The following KIFC3 variants were observed in gnomAD, a reference collection of about 807,000 sequenced individuals.
KIFC3 encodes the protein kinesin-like protein KIFC3.
KIFC3 carries 60 observed loss-of-function variants against 101.8 expected under a neutral mutation model. The ratio of observed to expected loss-of-function variants is 0.59; its 90% CI spans 0.48 to 0.73. The LOEUF (loss-of-function observed/expected upper bound fraction) is 0.73. Ranked by LOEUF, KIFC3 falls within the 30% of genes least tolerant of loss-of-function variation. The pLI is 0.00. For synonymous variants in KIFC3, 476 were observed against 482.7 expected (o/e 0.99, Z 0.18); for missense variants, 966 against 1,137.1 (o/e 0.85, Z 2.16).
chr16:57,855,181 A>G (rs1268806848), intron 1 of KIFC3, among the ~76,000 whole-genome samples: 2 of 139,734 alleles, frequency 1.4e-5, no homozygotes, highest in African/African-American at 5.4e-5. Flanking sequence ...CTGGAGTGCA[A>G]TGGTGTCATC....
upstream of KIFC3, among the ~76,000 whole-genome samples, chr16:57,808,147 A>G (rs1421248162): frequency 6.6e-6 from 1 of 152,162 alleles, no homozygotes; most frequent in African/African-American, 2.4e-5. Context: ...TAGCACTCCA[A>G]GGCTAAAAGC....
intron 3 of KIFC3, among the ~76,000 whole-genome samples, chr16:57,786,812 G>C (rs1257764342): frequency 1.3e-5 from 2 of 152,158 alleles, no homozygotes; most frequent in African/African-American, 4.8e-5. Context: ...AACGGACTCA[G>C]CTGGACAGGG....
chr16:57,761,369 C>T (rs1555597372), intron 14 of KIFC3, 44 bp downstream of exon 14: 4 of 1,612,880 alleles, frequency 2.5e-6, no homozygotes, highest in Admixed American at 3.3e-5. Context: ...CAGTTGTGTC[C>T]TCTAGAGCAG....
At chr16:57,830,455 T>C (rs2055556985) in intron 1 of KIFC3, 1 of 151,922 alleles carries the variant, frequency 6.6e-6, no homozygotes, top group African/African-American at 2.4e-5. Context: ...GCCAGGCTGG[T>C]CTCGAACTCC....
At chr16:57,849,985 T>G (rs2056014811) in intron 1 of KIFC3, among the ~76,000 whole-genome samples, 1 of 152,076 alleles carries the variant, frequency 6.6e-6, no homozygotes, top group African/African-American at 2.4e-5. Flanking sequence ...TTGAGGGGAA[T>G]CAGCCTCGAA....
chr16:57,760,555 C>T, intron 16 of KIFC3, 139 bp from the exon 17 acceptor site: 1 of 1,168,822 alleles, frequency 8.6e-7, no homozygotes, highest in Middle Eastern at 2.0e-4. Flanking sequence ...GGCAACATGG[C>T]AGAGGTGCTG....
upstream of KIFC3, chr16:57,802,936 AAC>A (rs1555626067): frequency 7.9e-6 from 12 of 1,523,856 alleles, no homozygotes; most frequent in Non-Finnish European, 1.1e-5. This position sits in a 1 kb window ranked among gnomAD's most constrained non-coding sequence, Gnocchi z 5.0. Flanking sequence ...TTCCCATCCC[AAC>A]ACACACACAA....
upstream of KIFC3, among the ~76,000 whole-genome samples, chr16:57,807,147 G>A (rs542231647): frequency 7.9e-5 from 12 of 152,162 alleles, no homozygotes; most frequent in South Asian, 1.5e-3. Flanking sequence ...AACCCAGGAG[G>A]TGGAGGTTGC....
chr16:57,841,308 T>G (rs1160379672), intron 1 of KIFC3, among the ~76,000 whole-genome samples: 1 of 151,870 alleles, frequency 6.6e-6, no homozygotes, highest in African/African-American at 2.4e-5. Flanking sequence ...CTGAAGGAGG[T>G]AGGGAAGTGA....
chr16:57,798,291 A>G lies in KIFC3; in HGVS notation c.-39-9T>C. The G allele has an allele frequency of 6.5e-7, 1 of 1,545,852 alleles. No individual in the cohort carries two copies. The highest frequency in any genetic ancestry group is 8.7e-7 in the Non-Finnish European group (1 of 1,146,684). Reference sequence around the variant, plus strand: ...TCGGGGCACCAGGCAGCCTGCGGAGAGAACAAGGGGAGATAAGCTTGAAGA... The same window carrying G: ...TCGGGGCACCAGGCAGCCTGCGGAGGGAACAAGGGGAGATAAGCTTGAAGA... On this transcript the variant is annotated splice_polypyrimidine_tract_variant and intron_variant, in intron 1 of 19. Coordinates refer to ENST00000445690, the MANE Select transcript of KIFC3 (RefSeq NM_001130100.2).
Position 57,822,331 on chromosome 16 carries a change from G to A in KIFC3, c.109-24049C>T, listed in dbSNP as rs149282953. On this transcript the variant is annotated intron_variant, in intron 1 of 2. Coordinates refer to the KIFC3 transcript ENST00000563028. ...ATGTACAGGAAGATCCTGGAACACA[G>A]TAGCTGCTCAATACATGGGAGCACT... 1.9e-4 allele frequency among the ~76,000 whole-genome samples: 29 copies of A among 152,320 alleles called. No homozygotes were observed. In the East Asian group the frequency reaches 5.4e-3, roughly 28 times the overall value.
intron 2 of KIFC3, among the ~76,000 whole-genome samples, chr16:57,795,839 G>A (rs2054249803): frequency 6.6e-6 from 1 of 150,684 alleles, no homozygotes; most frequent in African/African-American, 2.5e-5. Context: ...ACTGGGCCAA[G>A]TGCTTTTCAG....
At chr16:57,849,819 C>T (rs2056011033) in intron 1 of KIFC3, among the ~76,000 whole-genome samples, 1 of 152,164 alleles carries the variant, frequency 6.6e-6, no homozygotes, top group Admixed American at 6.6e-5. Context: ...AGGAGAATCA[C>T]TTGCACCTGG....
intron 1 of KIFC3, among the ~76,000 whole-genome samples, chr16:57,819,513 T>C (rs1555629553): frequency 6.6e-6 from 1 of 152,168 alleles, no homozygotes; most frequent in Non-Finnish European, 1.5e-5. Flanking sequence ...GACTGTCACC[T>C]TCAAACTTTA....
chr16:57,861,289 C>A (rs180840790), intron 1 of KIFC3, among the ~76,000 whole-genome samples: 13 of 152,232 alleles, frequency 8.5e-5, no homozygotes, highest in Admixed American at 8.5e-4. Flanking sequence ...ATCCCCTCAG[C>A]CATAAATATC....
intron 3 of KIFC3, chr16:57,774,046 A>T (rs1370223353): frequency 6.6e-6 from 1 of 152,224 alleles, no homozygotes; most frequent in Non-Finnish European, 1.5e-5. Context: ...CTCCTGGGGG[A>T]CAAGCAGGTG....
intron 1 of KIFC3, among the ~76,000 whole-genome samples, chr16:57,808,374 C>A (rs551231104): frequency 1.3e-5 from 2 of 152,014 alleles, no homozygotes; most frequent in African/African-American, 2.4e-5. Flanking sequence ...CAGAAGCCGC[C>A]GGGCTCCTCC....
chr16:57,843,466 T>C (rs1452619042), intron 1 of KIFC3, among the ~76,000 whole-genome samples: 1 of 152,200 alleles, frequency 6.6e-6, no homozygotes, highest in Non-Finnish European at 1.5e-5. Flanking sequence ...TCAAGGCCCT[T>C]GCCAGGAACT....
chr16:57,789,637 A>C (rs1292391309), intron 3 of KIFC3, among the ~76,000 whole-genome samples: 1 of 152,250 alleles, frequency 6.6e-6, no homozygotes, highest in Admixed American at 6.5e-5. Flanking sequence ...ACGTGAGAAG[A>C]GGGGAAAGGA....
Sources: gnomAD v4.1 joint callset for allele counts (sites outside exome capture counted in the v4.1 genomes callset) on GRCh38, gnomAD v4.1.1 for gene constraint, Gnocchi (gnomAD v3.1) non-coding constraint, MANE v1.5 for transcripts, NCBI Gene and HGNC (gene_info 2026-07-23, HGNC 2026-07-21) for gene names.